Variants in ATP8B3 observed in about 807,000 individuals in gnomAD.
ATP8B3 encodes the protein phospholipid-transporting ATPase IK.
A neutral mutation model predicts 140.9 loss-of-function variants in ATP8B3; 141 were observed. The ratio of observed to expected loss-of-function variants is 1.00; its 90% confidence interval spans 0.87 to 1.15. The LOEUF (loss-of-function observed/expected upper bound fraction) is 1.15, where lower values mean the gene tolerates loss of function less well. ATP8B3 is among the 50% of genes most tolerant of loss of function. The pLI is 0.00. For missense variants in ATP8B3, 1,874 were observed against 1,740.6 expected (o/e 1.08, Z -1.36); for synonymous variants, 765 against 714.6 (o/e 1.07, Z -1.13).
chr19:1,811,841 G>T lies in ATP8B3; in HGVS notation c.-105C>A. 2 of 1,263,548 alleles carry T rather than the reference G, an allele frequency of 1.6e-6. No individual in the cohort carries two copies. Among genetic ancestry groups the T allele is most frequent in the Non-Finnish European group, 2.1e-6 (2 of 939,900 alleles). 78.3% of individuals were successfully genotyped at this position (1,263,548 alleles called of 1,614,324 possible). On this transcript the variant is annotated 5_prime_UTR_variant, in exon 2 of 29. Coordinates refer to ENST00000310127, the MANE Select transcript of ATP8B3 (RefSeq NM_138813.4). ...GTGGGGGCAGACTGGGGATTGGAGA[G>T]TTGGAGAGAATGCTCAAATGGCCAG...
Position 1,792,000 on chromosome 19 carries a change from C to A in ATP8B3, c.2190+1G>T. The A allele has an allele frequency of 6.5e-7, 1 of 1,534,410 alleles. No individual in the cohort carries two copies. On this transcript the variant is annotated splice_donor_variant, in intron 19 of 28. Transcript: ENST00000310127. LOFTEE classifies it high-confidence loss of function. ...AGGTCCTGCTCCATCTCGTTGTACACCTGTTGCAGGGCCTGTGCCCGGTTC... is the reference window on the plus strand; with the variant it reads ...AGGTCCTGCTCCATCTCGTTGTACAACTGTTGCAGGGCCTGTGCCCGGTTC...
Position 1,800,132 on chromosome 19 carries a change from T to A in ATP8B3, c.1367A>T (p.Asn456Ile), listed in dbSNP as rs1368284048. 1 of 1,559,300 alleles carries A rather than the reference T, an allele frequency of 6.4e-7. No individual in the cohort carries two copies. Among genetic ancestry groups the A allele is most frequent in the East Asian group, 2.4e-5 (1 of 41,932 alleles). The part of the protein sequence containing the change: ...FILSEFIYLG[N>I]SVFIDWDVQM... Reference sequence around the variant, plus strand: ...CACGTCCCAGTCGATGAAGACGCTGTTCCCCAGGTAGATGAACTCGGACCT... The same window carrying A: ...CACGTCCCAGTCGATGAAGACGCTGATCCCCAGGTAGATGAACTCGGACCT... Residue 456 changes from asparagine (N) to isoleucine (I), a missense_variant, in exon 14 of 29, where the codon AAC becomes ATC. Physicochemically the swap from Asn to Ile is moderately radical, Grantham distance 149 (BLOSUM62 -3). Coordinates refer to ENST00000310127, the MANE Select transcript of ATP8B3 (RefSeq NM_138813.4). The surrounding 1 kb of genome is among the most constrained non-coding windows in gnomAD (Gnocchi z 4.4).
At position 1,800,049 on chromosome 19, in the gene ATP8B3, C is replaced by T. The variant is rs1474992076; in HGVS notation, c.1450G>A (p.Asp484Asn). 6 of 1,598,750 alleles carry T rather than the reference C, an allele frequency of 3.8e-6. No homozygotes were observed. Among genetic ancestry groups the T allele is most frequent in the Middle Eastern group, 1.7e-4 (1 of 6,052 alleles). The change falls in exon 14 of 29, where the codon GAC becomes AAC. Residue 484 changes from aspartate to asparagine, a missense_variant. By Grantham distance (23) the Asp-to-Asn change is conservative. This residue lies in a region of ATP8B3 where 1,032 missense variants were observed against 963.6 expected (regional missense o/e 1.07). Transcript: ENST00000310127. This position sits in a 1 kb window ranked among gnomAD's most constrained non-coding sequence, Gnocchi z 4.4. ...PAKARSTSLN[D>N]HLGQVEYIFS... ...ATGTATTCCACCTGGCCCAGGTGGTCGTTGAGGCTGGTGCTGCGGGCCTTG... is the reference window on the plus strand; with the variant it reads ...ATGTATTCCACCTGGCCCAGGTGGTTGTTGAGGCTGGTGCTGCGGGCCTTG...
At position 1,806,519 on chromosome 19, in the gene ATP8B3, C is replaced by G. The variant is rs555568253; in HGVS notation, c.677+109G>C. On this transcript the variant is annotated intron_variant, in intron 7 of 28. Transcript: ENST00000310127. This position sits in a 1 kb window ranked among gnomAD's most constrained non-coding sequence, Gnocchi z 5.6. ...CCGGTTCCTGTCGGACTCAACCAGC[C>G]GGGAGATCAGGGAGCACGGAAGGTG... 1 of 1,512,434 alleles carries G rather than the reference C, an allele frequency of 6.6e-7. No homozygotes were observed. The highest frequency in any genetic ancestry group is 8.8e-7 in the Non-Finnish European group (1 of 1,131,822). 93.7% of individuals were successfully genotyped at this position (1,512,434 alleles called of 1,614,324 possible). A position where few individuals can be genotyped will look rare whatever the true frequency, so the allele number is the denominator to read the frequency against.
Position 1,796,006 on chromosome 19 carries a change from T to C in ATP8B3, c.1943-19A>G. The C allele has an allele frequency of 6.2e-7, 1 of 1,612,846 alleles. No homozygotes were observed. On this transcript the variant is annotated intron_variant, in intron 17 of 28. Coordinates refer to ENST00000310127, the MANE Select transcript of ATP8B3 (RefSeq NM_138813.4). ...TTTCGAACTGTGGGGGAACAGGCCC[T>C]GCTGCCCACAGAGGCTCCCCGTCTG... is the stretch of plus-strand genomic sequence containing the variant.
Position 1,789,651 on chromosome 19 carries a change from T to C in ATP8B3, c.2555A>G (p.Glu852Gly). The C allele has an allele frequency of 6.3e-7, 1 of 1,599,754 alleles. No homozygotes were observed. Among genetic ancestry groups the C allele is most frequent in the Non-Finnish European group, 8.5e-7 (1 of 1,176,250 alleles). ...GAAATCCCTCCTGGACTGGCCGAGC[T>C]CCTGCCACGCCTCGTCCATGTTCAC... Reference protein sequence around the residue: ...QNVNMDEAWQELGQSRRDFLY... With the variant: ...QNVNMDEAWQGLGQSRRDFLY... Residue 852 changes from glutamate to glycine, a missense_variant, in exon 23 of 29, where the codon GAG (glutamate) becomes GGG (glycine). By Grantham distance (98) the Glu-to-Gly change is moderately conservative. Around this residue, in one of 3 missense-constraint regions of ATP8B3, gnomAD observed 840 missense variants for 760.9 expected, o/e 1.10. Coordinates refer to ENST00000310127, the MANE Select transcript of ATP8B3 (RefSeq NM_138813.4).
intron 3 of ATP8B3, 80 bp from the exon 4 acceptor site, chr19:1,809,814 T>C (rs938589200): frequency 2.3e-6 from 3 of 1,306,628 alleles, no homozygotes; most frequent in Admixed American, 4.0e-5. Flanking sequence ...GGAGGGCTCA[T>C]GGGGCCCGTG....
intron 2 of ATP8B3, 124 bp from the exon 3 acceptor site, chr19:1,810,807 G>T: frequency 1.2e-6 from 1 of 822,594 alleles, no homozygotes; most frequent in Non-Finnish European, 1.8e-6. Context: ...ACACTCATCT[G>T]CAGCCTCCCC....
intron 14 of ATP8B3, among the ~76,000 whole-genome samples, chr19:1,797,210 G>A (rs906931755): frequency 1.3e-5 from 2 of 152,162 alleles, no homozygotes; most frequent in African/African-American, 4.8e-5. Flanking sequence ...GGGGAAGAGG[G>A]GAGCACACCC....
chr19:1,791,391 T>TTG (rs942220819), intron 20 of ATP8B3, among the ~76,000 whole-genome samples: 4 of 37,556 alleles, frequency 1.1e-4, no homozygotes, highest in African/African-American at 3.6e-4. Flanking sequence ...GTTGCAGCAT[T>TTG]TTTTTTTTTT....
At position 1,782,245 on chromosome 19, in the gene ATP8B3, C is replaced by G. The variant is rs2068184108; in HGVS notation, c.*783G>C. ...GATATGCCAGCGTGACTCCTTTGGG[C>G]TCGAAGATGCCTCTTCATCAGATGG... On this transcript the variant is annotated 3_prime_UTR_variant, in exon 29 of 29. Coordinates refer to ENST00000310127, the MANE Select transcript of ATP8B3 (RefSeq NM_138813.4). The G allele has an allele frequency of 3.1e-6, 1 of 322,714 alleles. No individual in the cohort carries two copies. The highest frequency in any genetic ancestry group is 2.2e-5 in the African/African-American group (1 of 45,388). The allele number at this position is 322,714 out of a possible 1,614,324, so 20.0% of individuals were successfully genotyped here.
Position 1,796,856 on chromosome 19 carries a change from C to T in ATP8B3, c.1608G>A (p.Lys536=), listed in dbSNP as rs2068694619. The T allele has an allele frequency of 6.2e-7, 1 of 1,612,274 alleles. No homozygotes were observed. The highest frequency in any genetic ancestry group is 8.5e-7 in the Non-Finnish European group (1 of 1,179,496). The change falls in exon 16 of 29, where the codon AAG becomes AAA. Residue 536 remains lysine (K), a synonymous_variant. Transcript: ENST00000310127. Reference sequence around the variant, plus strand: ...GGAAGAGCAGCTTCCCGTCGGCGAACTTGTTCCAGAGGTAGGGGTTCTCCT... The same window carrying T: ...GGAAGAGCAGCTTCCCGTCGGCGAATTTGTTCCAGAGGTAGGGGTTCTCCT... ...RPKENPYLWN[K]FADGKLLFHN...
chr19:1,805,885 C>T lies in ATP8B3; in HGVS notation c.821+3G>A. 6.2e-7 allele frequency: 1 copy of T among 1,612,894 alleles called. No homozygotes were observed. Among genetic ancestry groups the T allele is most frequent in the Non-Finnish European group, 8.5e-7 (1 of 1,179,858 alleles). ...GGTCCCCAGCGATGCCACAGCTCCTCACCCGTCAATGTCCACCGTCTCCAC... is the reference window on the plus strand; with the variant it reads ...GGTCCCCAGCGATGCCACAGCTCCTTACCCGTCAATGTCCACCGTCTCCAC... On this transcript the variant is annotated splice_donor_region_variant and intron_variant, in intron 9 of 28. Coordinates refer to ENST00000310127, the MANE Select transcript of ATP8B3 (RefSeq NM_138813.4). This position sits in a 1 kb window ranked among gnomAD's most constrained non-coding sequence, Gnocchi z 5.2.
chr19:1,808,255 G>A lies in ATP8B3; in HGVS notation c.483C>T (p.Ser161=). 1 of 1,612,878 alleles carries A rather than the reference G, an allele frequency of 6.2e-7. No individual in the cohort carries two copies. The highest frequency in any genetic ancestry group is 8.5e-7 in the Non-Finnish European group (1 of 1,179,490). The change falls in exon 5 of 29, where the codon TCC becomes TCT. Residue 161 remains serine, a synonymous_variant. Coordinates refer to ENST00000310127, the MANE Select transcript of ATP8B3 (RefSeq NM_138813.4). ...TGATGATGATGAGGAAGAACAGGTT[G>A]GACACGCGGTGGAACTGCTCGTACA... ...LNLYEQFHRV[S]NLFFLIIIIL...
In ATP8B3 at chr19:1,807,800, G is replaced by A. The variant is rs1343110557; in HGVS notation, c.516+422C>T. 6.6e-6 allele frequency among the ~76,000 whole-genome samples: 1 copy of A among 152,284 alleles called. No individual in the cohort carries two copies. The highest frequency in any genetic ancestry group is 1.5e-5 in the Non-Finnish European group (1 of 68,054). On this transcript the variant is annotated intron_variant, in intron 5 of 28. Coordinates refer to ENST00000310127, the MANE Select transcript of ATP8B3 (RefSeq NM_138813.4). This position sits in a 1 kb window ranked among gnomAD's most constrained non-coding sequence, Gnocchi z 5.9. ...CCTGGCCGGATGCCGGCCCCACGCT[G>A]GCCTGGACCACCCAGGTACCGGGAA...
At position 1,800,005 on chromosome 19, in the gene ATP8B3, G is replaced by A; in HGVS notation, c.1494C>T (p.Gly498=). Residue 498 remains glycine, a synonymous_variant, in exon 14 of 29, where the codon GGC becomes GGT. Coordinates refer to ENST00000310127, the MANE Select transcript of ATP8B3 (RefSeq NM_138813.4). This position sits in a 1 kb window ranked among gnomAD's most constrained non-coding sequence, Gnocchi z 4.4. ...AGGTCAAGATGTTCTGCGTGAGCGT[G>A]CCCGTCTTGTCCGAGAAGATGTATT... ...QVEYIFSDKT[G]TLTQNILTFN... 1 of 1,606,538 alleles carries A rather than the reference G, an allele frequency of 6.2e-7. No individual in the cohort carries two copies. The highest frequency in any genetic ancestry group is 1.1e-5 in the South Asian group (1 of 89,556).
rs777966827 is a variant in ATP8B3 at position 1,783,186 on chromosome 19, G to A, written c.3745C>T (p.Arg1249Cys). ...PHVHRESRAR[R>C]SSYAFSHREG... Reference sequence around the variant, plus strand: ...CGGTGGGAGAAAGCATAGCTGGAACGGCGGGCACGAGACTCCCGGTGTACA... The same window carrying A: ...CGGTGGGAGAAAGCATAGCTGGAACAGCGGGCACGAGACTCCCGGTGTACA... The change falls in exon 29 of 29, where the codon CGT becomes TGT. Residue 1249 changes from arginine (R) to cysteine (C), a missense_variant. By Grantham distance (180) the Arg-to-Cys change is radical (BLOSUM62 -3). Around this residue, in one of 3 missense-constraint regions of ATP8B3, gnomAD observed 840 missense variants for 760.9 expected, o/e 1.10. Transcript: ENST00000310127. The A allele has an allele frequency of 6.7e-5, 108 of 1,613,150 alleles. 1 individual carries two copies. Among genetic ancestry groups the A allele is most frequent in the Non-Finnish European group, 8.1e-5 (95 of 1,179,660 alleles).
rs2068986770 is a variant in ATP8B3, at chr19:1,805,609, G to GC, written c.822-154dup. ...TGGCTGAGGCCCAGAGAGGGAGAAG[G>GC]CCTTGCCCAAGGCCACACAGCACAT... On this transcript the variant is annotated intron_variant, in intron 9 of 28. Transcript: ENST00000310127. The surrounding 1 kb of genome is among the most constrained non-coding windows in gnomAD (Gnocchi z 5.2). Among the ~76,000 whole-genome samples, 2 of 152,230 alleles carry GC rather than the reference G, an allele frequency of 1.3e-5. No homozygotes were observed. The highest frequency in any genetic ancestry group is 1.3e-4 in the Admixed American group (2 of 15,284).
At chr19:1,784,338 T>A (rs11882276) in intron 28 of ATP8B3, among the ~76,000 whole-genome samples, 11,949 of 151,366 alleles carry the variant, frequency 0.079, 684 homozygotes, top group African/African-American at 0.16. Flanking sequence ...CCATAATGAG[T>A]CTCCATCTCT....
Sources: allele counts gnomAD v4.1 joint callset (sites outside exome capture counted in the v4.1 genomes callset), GRCh38; gene constraint gnomAD v4.1.1; regional missense constraint gnomAD v4.1.1; non-coding constraint Gnocchi (gnomAD v3.1); transcripts MANE v1.5; gene names NCBI Gene and HGNC (gene_info 2026-07-23, HGNC 2026-07-21).